The following CSMD2 variants were observed in gnomAD, a reference collection of about 807,000 sequenced individuals.
The protein encoded by CSMD2 is CUB and Sushi multiple domains 2.
Under a neutral mutation model 398.5 loss-of-function variants are expected in CSMD2, and 130 were observed. The ratio of observed to expected loss-of-function variants is 0.33; its 90% CI spans 0.28 to 0.38. The LOEUF is 0.38. Ranked by LOEUF, CSMD2 falls within the 10% of genes least tolerant of loss-of-function variation. CSMD2 has a pLI of 1.00. For missense variants in CSMD2, 3,829 were observed against 4,764.9 expected, an observed-to-expected ratio of 0.80 and a Z score of 5.78; for synonymous variants, 1,828 against 1,908.5, an observed-to-expected ratio of 0.96 and a Z score of 1.10.
intron 5 of CSMD2, among the ~76,000 whole-genome samples, chr1:33,858,999 G>A (rs568936029): frequency 4.6e-5 from 7 of 152,300 alleles, no homozygotes; most frequent in Admixed American, 1.3e-4. Context: ...TGAATATGCC[G>A]TGGTATAAAA....
At chr1:33,569,344 G>A in intron 52 of CSMD2, 30 bp downstream of exon 52, 1 of 1,589,676 alleles carries the variant, frequency 6.3e-7, no homozygotes, top group Non-Finnish European at 8.6e-7. Flanking sequence ...GAGAAAAACT[G>A]GGCAGGATAG....
intron 64 of CSMD2, among the ~76,000 whole-genome samples, chr1:33,529,314 T>C (rs1354041874): frequency 6.6e-6 from 1 of 152,188 alleles, no homozygotes; most frequent in Non-Finnish European, 1.5e-5. Flanking sequence ...CTAATTTCTT[T>C]ACTTTTATTT....
At chr1:33,544,988 G>C (rs1027854590) in intron 57 of CSMD2, among the ~76,000 whole-genome samples, 4 of 152,094 alleles carry the variant, frequency 2.6e-5, no homozygotes, top group African/African-American at 9.7e-5. Flanking sequence ...GTAGCAAAAT[G>C]AGCTTGAACA....
intron 57 of CSMD2, among the ~76,000 whole-genome samples, chr1:33,545,205 T>C (rs1018158703): frequency 6.6e-6 from 1 of 152,174 alleles, no homozygotes; most frequent in African/African-American, 2.4e-5. Context: ...GAGAGTACTA[T>C]GCAAGCTGTA....
intron 42 of CSMD2, among the ~76,000 whole-genome samples, chr1:33,604,951 G>A (rs1640487933): frequency 6.6e-6 from 1 of 152,168 alleles, no homozygotes; most frequent in African/African-American, 2.4e-5. Context: ...GCATACCACT[G>A]GGCTCCCACT....
rs780163039 is a variant in CSMD2 at position 33,646,737 on chromosome 1, C to G, written c.4685G>C (p.Gly1562Ala). Residue 1562 changes from glycine (G) to alanine (A), a missense_variant, in exon 29 of 71, where the codon GGC becomes GCC. Around this residue, in one of 5 missense-constraint regions of CSMD2, gnomAD observed 2,001 missense variants for 2,567.1 expected, o/e 0.78. Transcript: ENST00000373381. ...IGSFYGSQLP[G>A]RIESSSNSLF... The stretch of plus-strand genomic sequence containing the variant: ...GCTGTTGCTGCTGCTTTCAATGCGG[C>G]CTGGGAGCTGGGAGCCATAGAAGCT... 2 of 1,614,160 alleles carry G rather than the reference C, an allele frequency of 1.2e-6. No individual in the cohort carries two copies. The highest frequency in any genetic ancestry group is 1.7e-6 in the Non-Finnish European group (2 of 1,180,010).
intron 28 of CSMD2, among the ~76,000 whole-genome samples, chr1:33,649,402 G>C (rs537891543): frequency 6.6e-6 from 1 of 152,200 alleles, no homozygotes; most frequent in South Asian, 2.1e-4. Context: ...TCAGCACTTT[G>C]GGAGGCCAAG....
At chr1:33,780,693 C>A (rs561275650) in intron 12 of CSMD2, among the ~76,000 whole-genome samples, 2 of 152,386 alleles carry the variant, frequency 1.3e-5, no homozygotes, top group Admixed American at 1.3e-4. Context: ...CCAGCCCAGC[C>A]TCCAGGGGCT....
intron 1 of CSMD2, among the ~76,000 whole-genome samples, chr1:34,158,320 G>C (rs186027517): frequency 2.0e-5 from 3 of 152,298 alleles, no homozygotes; most frequent in Admixed American, 2.0e-4. Context: ...CTATTTGCAG[G>C]TTCACCCCGA....
At chr1:33,598,099 G>C (rs1639959543) in intron 44 of CSMD2, among the ~76,000 whole-genome samples, 1 of 150,034 alleles carries the variant, frequency 6.7e-6, no homozygotes, top group Admixed American at 6.6e-5. Flanking sequence ...AAAAGTACAG[G>C]ATCATGGTTA....
intron 2 of CSMD2, among the ~76,000 whole-genome samples, chr1:34,076,193 T>C (rs1362135038): frequency 6.6e-6 from 1 of 152,210 alleles, no homozygotes; most frequent in Admixed American, 6.5e-5. Context: ...TTCTCATCAA[T>C]GATGCCAGGT....
At chr1:34,133,246 A>G (rs972548583) in intron 1 of CSMD2, among the ~76,000 whole-genome samples, 2 of 152,194 alleles carry the variant, frequency 1.3e-5, no homozygotes, top group Non-Finnish European at 2.9e-5. Flanking sequence ...TGTGAATGAT[A>G]TCATCCCAGT....
At chr1:33,627,567 C>A (rs1306986072) in intron 32 of CSMD2, among the ~76,000 whole-genome samples, 1 of 152,168 alleles carries the variant, frequency 6.6e-6, no homozygotes, top group Non-Finnish European at 1.5e-5. Flanking sequence ...GGACCCACAA[C>A]GGAACTACTG....
At chr1:33,674,658 C>T (rs1644636315) in intron 25 of CSMD2, among the ~76,000 whole-genome samples, 1 of 152,294 alleles carries the variant, frequency 6.6e-6, no homozygotes, top group Admixed American at 6.5e-5. Context: ...AATATACATT[C>T]TTTTCAGCAC....
chr1:33,850,748 C>G (rs1638646423), intron 5 of CSMD2, among the ~76,000 whole-genome samples: 1 of 55,284 alleles, frequency 1.8e-5, no homozygotes, highest in South Asian at 1.3e-3. Context: ...CAATTACACT[C>G]AATTTTTTTT....
rs761531777 is a variant in CSMD2, at chr1:33,918,200, T to G, written c.814A>C (p.Ile272Leu). The G allele has an allele frequency of 3.7e-5, 59 of 1,614,022 alleles. No homozygotes were observed. Among genetic ancestry groups the G allele is most frequent in the Non-Finnish European group, 4.7e-5 (56 of 1,180,036 alleles). ...YHNNADCTWT[I>L]LAELGDTIAL... The stretch of plus-strand genomic sequence containing the variant: ...ATGGTGTCCCCCAGCTCAGCCAGGA[T>G]GGTCCATGTGCAGTCGGCATTGTTA... The change falls in exon 5 of 71, where the codon ATC becomes CTC. Residue 272 changes from isoleucine to leucine, a missense_variant. This residue lies in a region of CSMD2 where 2,001 missense variants were observed against 2,567.1 expected (regional missense o/e 0.78). Coordinates refer to ENST00000373381, the MANE Select transcript of CSMD2 (RefSeq NM_001281956.2).
rs1330715525 is a variant in CSMD2, at chr1:33,571,515, T to C, written c.7957+17A>G. The stretch of plus-strand genomic sequence containing the variant: ...GGGACCCTGCTAAACTTGCCCACCC[T>C]CCCTTCCTGGGCTTACTTCGGCAGG... On this transcript the variant is annotated intron_variant, in intron 51 of 70. Transcript: ENST00000373381. The C allele has an allele frequency of 7.1e-7, 1 of 1,417,206 alleles. No individual in the cohort carries two copies. The highest frequency in any genetic ancestry group is 1.8e-5 in the South Asian group (1 of 54,392). The allele number at this position is 1,417,206 out of a possible 1,614,324, so 87.8% of individuals were successfully genotyped here.
chr1:33,724,047 C>T lies in CSMD2; in HGVS notation c.3001+150G>A, dbSNP rs1163755215. The T allele has an allele frequency of 3.8e-5, 25 of 653,148 alleles. 1 individual carries two copies. In the South Asian group the frequency reaches 4.5e-4, roughly 12 times the overall value. The allele number at this position is 653,148 out of a possible 1,614,324, so 40.5% of individuals were successfully genotyped here. On this transcript the variant is annotated intron_variant, in intron 19 of 70. Transcript: ENST00000373381. ...TCTACCATTCAAAGGGATGAGAAGA[C>T]TCTGGAAGTTTTCTTGTTGGTGAGA...
chr1:34,161,249 G>A (rs1571308114), intron 1 of CSMD2, among the ~76,000 whole-genome samples: 1 of 152,292 alleles, frequency 6.6e-6, no homozygotes, highest in Middle Eastern at 3.4e-3. Context: ...AGATGTCCAA[G>A]GATCAGCTGG....
Sources: allele counts gnomAD v4.1 joint callset (sites outside exome capture counted in the v4.1 genomes callset), GRCh38; gene constraint gnomAD v4.1.1; regional missense constraint gnomAD v4.1.1; transcripts MANE v1.5; gene names NCBI Gene and HGNC (gene_info 2026-07-23, HGNC 2026-07-21).